The following PDSS2 variants were observed in gnomAD, a reference collection of about 807,000 sequenced individuals.
PDSS2 encodes decaprenyl diphosphate synthase subunit 2.
PDSS2 carries 31 observed loss-of-function variants against 44.5 expected under a neutral mutation model. That is an observed-to-expected ratio of 0.70 (90% CI 0.52 to 0.94). The LOEUF (loss-of-function observed/expected upper bound fraction) is 0.94. PDSS2 is among the 40% of genes least tolerant of loss of function. The pLI, the probability that PDSS2 is intolerant of heterozygous loss-of-function variation, is 0.00. For missense variants in PDSS2, 452 were observed against 482.2 expected, an observed-to-expected ratio of 0.94 and a Z score of 0.59; for synonymous variants, 157 against 180.3, an observed-to-expected ratio of 0.87 and a Z score of 1.03.
At chr6:107,362,475 G>A (rs1391736164) in intron 1 of PDSS2, among the ~76,000 whole-genome samples, 2 of 152,196 alleles carry the variant, frequency 1.3e-5, no homozygotes, top group Non-Finnish European at 2.9e-5. Context: ...ATAGTGAGAA[G>A]AGACGTCACA....
At chr6:107,241,675 C>A (rs1249260005) in intron 4 of PDSS2, among the ~76,000 whole-genome samples, 1 of 152,146 alleles carries the variant, frequency 6.6e-6, no homozygotes, top group Non-Finnish European at 1.5e-5. Flanking sequence ...GAGAAGGTGA[C>A]TTCTAATGTA....
intron 2 of PDSS2, among the ~76,000 whole-genome samples, chr6:107,317,696 T>C (rs947817435): frequency 6.6e-6 from 1 of 152,192 alleles, no homozygotes; most frequent in Non-Finnish European, 1.5e-5. Flanking sequence ...CAATATAATA[T>C]TCATAATTTA....
intron 1 of PDSS2, among the ~76,000 whole-genome samples, chr6:107,443,585 TTAGCATCAGATACTC>T (rs1340639327): frequency 1.3e-5 from 2 of 152,222 alleles, no homozygotes; most frequent in Non-Finnish European, 2.9e-5. Flanking sequence ...AAGGGCAAGT[TTAGCATCAGATACTC>T]TATCATGGCA....
At chr6:107,154,889 T>C in intron 7 of PDSS2, 112 bp from the exon 8 acceptor site, 8 of 936,120 alleles carry the variant, frequency 8.5e-6, no homozygotes, top group African/African-American at 1.6e-5. Flanking sequence ...ATAGTATAGA[T>C]TGAGTATTTC....
intron 7 of PDSS2, among the ~76,000 whole-genome samples, chr6:107,185,012 C>A (rs1159458760): frequency 1.3e-5 from 2 of 151,316 alleles, no homozygotes; most frequent in African/African-American, 4.9e-5. Context: ...AGACAGTGCA[C>A]CTGTAGTCGC....
chr6:107,171,058 G>A (rs1771556258), intron 7 of PDSS2, among the ~76,000 whole-genome samples: 1 of 152,184 alleles, frequency 6.6e-6, no homozygotes, highest in African/African-American at 2.4e-5. Context: ...CTGCCTCCCA[G>A]GACCACCTGT....
At chr6:107,410,470 G>A (rs1243035063) in intron 1 of PDSS2, among the ~76,000 whole-genome samples, 5 of 76,456 alleles carry the variant, frequency 6.5e-5, no homozygotes, top group African/African-American at 1.9e-4. Context: ...TGTCCTCTAC[G>A]CTGTTTTTTG....
intron 1 of PDSS2, among the ~76,000 whole-genome samples, chr6:107,340,663 T>G (rs1778052426): frequency 6.6e-6 from 1 of 152,154 alleles, no homozygotes; most frequent in Non-Finnish European, 1.5e-5. Flanking sequence ...GCACAACTAG[T>G]TGCTAGAGGT....
At chr6:107,425,384 C>CA (rs1330355700) in intron 1 of PDSS2, among the ~76,000 whole-genome samples, 1 of 152,062 alleles carries the variant, frequency 6.6e-6, no homozygotes, top group African/African-American at 2.4e-5. Flanking sequence ...ATGGCTTTGA[C>CA]AAAAATGCTG....
At chr6:107,212,711 A>G (rs1312571867) in intron 4 of PDSS2, among the ~76,000 whole-genome samples, 2 of 152,122 alleles carry the variant, frequency 1.3e-5, no homozygotes, top group Non-Finnish European at 2.9e-5. Context: ...GAAATAATTA[A>G]ATAGAAAAAT....
chr6:107,202,800 G>C (rs1346385630), intron 6 of PDSS2, among the ~76,000 whole-genome samples: 1 of 151,818 alleles, frequency 6.6e-6, no homozygotes, highest in African/African-American at 2.4e-5. Flanking sequence ...CTGTTCCTTT[G>C]GTTCACTGGA....
intron 1 of PDSS2, among the ~76,000 whole-genome samples, chr6:107,395,538 TTGTC>T (rs1395610914): frequency 9.9e-5 from 15 of 152,270 alleles, no homozygotes; most frequent in African/African-American, 3.4e-4. Context: ...AGTATCTAAC[TTGTC>T]TGTAATTTAT....
At chr6:107,273,636 T>C (rs886632627) in intron 3 of PDSS2, among the ~76,000 whole-genome samples, 2 of 152,038 alleles carry the variant, frequency 1.3e-5, no homozygotes, top group Non-Finnish European at 2.9e-5. Flanking sequence ...TCATATATAT[T>C]ACAAAAAATT....
At chr6:107,420,035 AAAC>A (rs1234370458) in intron 1 of PDSS2, among the ~76,000 whole-genome samples, 1 of 152,212 alleles carries the variant, frequency 6.6e-6, no homozygotes, top group Non-Finnish European at 1.5e-5. Context: ...GATAAAATGA[AAAC>A]AACAACAGAA....
chr6:107,315,382 T>C (rs1417964487), intron 2 of PDSS2, among the ~76,000 whole-genome samples: 1 of 152,214 alleles, frequency 6.6e-6, no homozygotes. Context: ...AAGAGATCTT[T>C]TGAAGAGATT....
chr6:107,230,236 TGTAGGTGCTTCATGA>T (rs1773996954), intron 4 of PDSS2: 1 of 148,202 alleles, frequency 6.7e-6, no homozygotes, highest in Non-Finnish European at 1.5e-5. Context: ...AAAAAGCCAC[TGTAGGTGCTTCATGA>T]ACAGCCCTGA....
chr6:107,184,188 C>T (rs1772086363), intron 7 of PDSS2, among the ~76,000 whole-genome samples: 1 of 152,100 alleles, frequency 6.6e-6, no homozygotes, highest in Non-Finnish European at 1.5e-5. Flanking sequence ...AACACAGCAA[C>T]AACTGTTTTC....
intron 1 of PDSS2, among the ~76,000 whole-genome samples, chr6:107,411,241 C>T (rs574246100): frequency 1.6e-4 from 25 of 152,270 alleles, no homozygotes; most frequent in African/African-American, 5.3e-4. Context: ...TACCCAACTG[C>T]TACTGGATTT....
intron 7 of PDSS2, among the ~76,000 whole-genome samples, chr6:107,183,894 CA>C (rs60428632): frequency 6.8e-5 from 10 of 146,996 alleles, no homozygotes; most frequent in African/African-American, 1.8e-4. Flanking sequence ...GACTCCATCT[CA>C]AAAAAAAAAG....
Sources: gnomAD v4.1 joint callset for allele counts (sites outside exome capture counted in the v4.1 genomes callset) on GRCh38, gnomAD v4.1.1 for gene constraint, MANE v1.5 for transcripts, NCBI Gene and HGNC (gene_info 2026-07-23, HGNC 2026-07-21) for gene names.